NAMPT: variants seen among roughly 807,000 people sequenced by gnomAD.
The protein encoded by NAMPT is nicotinamide phosphoribosyltransferase.
A neutral mutation model predicts 58.7 loss-of-function variants in NAMPT; 7 were observed. That is an observed-to-expected ratio of 0.12 (90% CI 0.07 to 0.22). The LOEUF (loss-of-function observed/expected upper bound fraction) is 0.22. NAMPT is among the 10% of genes least tolerant of loss of function. The probability of loss-of-function intolerance (pLI) is 1.00; values close to 1 mark genes in which losing one functional copy is unlikely to be tolerated. For synonymous variants in NAMPT, 145 were observed against 198.1 expected, an observed-to-expected ratio of 0.73 and a Z score of 2.25; for missense variants, 271 against 567.9, an observed-to-expected ratio of 0.48 and a Z score of 5.31.
chr7:106,276,675 TTCACTAAAAACACAA>T (rs1451250040), intron 2 of NAMPT: 1 of 211,990 alleles, frequency 4.7e-6, no homozygotes, highest in Non-Finnish European at 9.7e-6. Flanking sequence ...AAAGCCCGTC[TTCACTAAAAACACAA>T]AATTAGTTGG....
intron 1 of NAMPT, among the ~76,000 whole-genome samples, chr7:106,281,603 A>C (rs1022551122): frequency 6.6e-6 from 1 of 152,232 alleles, no homozygotes; most frequent in Non-Finnish European, 1.5e-5. Flanking sequence ...CTTCAAAGCT[A>C]ATGTGCTAGA....
At chr7:106,253,822 G>A (rs1586010279) in intron 9 of NAMPT, among the ~76,000 whole-genome samples, 1 of 152,098 alleles carries the variant, frequency 6.6e-6, no homozygotes, top group East Asian at 1.9e-4. Flanking sequence ...CAACTCAGGT[G>A]TTCTTAATTC....
chr7:106,268,667 A>G (rs1792474059), intron 5 of NAMPT, 67 bp from the exon 6 acceptor site: 1 of 1,107,188 alleles, frequency 9.0e-7, no homozygotes, highest in Non-Finnish European at 1.4e-6. Context: ...ACCAGGATGC[A>G]GCCAACCACA....
chr7:106,277,339 T>C (rs1792666664), intron 1 of NAMPT, among the ~76,000 whole-genome samples, 160 bp from the exon 2 acceptor site: 1 of 152,254 alleles, frequency 6.6e-6, no homozygotes, highest in African/African-American at 2.4e-5. Context: ...AATAAGTATC[T>C]AAGATATTTT....
chr7:106,258,917 T>C (rs1406292793), intron 8 of NAMPT, among the ~76,000 whole-genome samples: 1 of 152,146 alleles, frequency 6.6e-6, no homozygotes, highest in African/African-American at 2.4e-5. Flanking sequence ...CAATTGACTC[T>C]ATCACGAAAG....
intron 8 of NAMPT, among the ~76,000 whole-genome samples, chr7:106,260,529 T>C (rs1792284693): frequency 1.3e-5 from 2 of 152,264 alleles, no homozygotes; most frequent in Admixed American, 1.3e-4. Context: ...TTCATATGCT[T>C]AGTGGAGTAG....
chr7:106,283,563 A>ATGGTT (rs1562820744), intron 1 of NAMPT, among the ~76,000 whole-genome samples: 4 of 152,198 alleles, frequency 2.6e-5, no homozygotes, highest in African/African-American at 4.8e-5. Context: ...AACCAAGAGA[A>ATGGTT]CACAAGAGGA....
intron 6 of NAMPT, 149 bp downstream of exon 6, chr7:106,268,315 T>C: frequency 1.4e-6 from 1 of 696,384 alleles, no homozygotes; most frequent in Non-Finnish European, 2.4e-6. Flanking sequence ...CTAATGTTTA[T>C]ACTTTTGTAT....
At position 106,269,202 on chromosome 7, in the gene NAMPT, C is replaced by T; in HGVS notation, c.558G>A (p.Leu186=). 4 of 1,613,314 alleles carry T rather than the reference C, an allele frequency of 2.5e-6. No homozygotes were observed. Among genetic ancestry groups the T allele is most frequent in the South Asian group, 2.2e-5 (2 of 90,922 alleles). Residue 186 remains leucine, a synonymous_variant, in exon 5 of 11, where the codon CTG becomes CTA. Transcript: ENST00000222553. ...LLETSGNLDG[L]EYKLHDFGYR... is the part of the protein sequence containing the mutation. ...AGCCAAAATCATGTAACTTGTATTC[C>T]AGACCATCTAAGTTACCAGAAGTTT... is the stretch of plus-strand genomic sequence containing the variant.
intron 4 of NAMPT, among the ~76,000 whole-genome samples, chr7:106,269,632 A>C (rs1322545014): frequency 6.6e-6 from 1 of 152,204 alleles, no homozygotes; most frequent in Admixed American, 6.5e-5. Context: ...ATTTTTAGAA[A>C]GTTTCATGAT....
intron 1 of NAMPT, 137 bp downstream of exon 1, chr7:106,284,691 C>T (rs1792833709): frequency 1.9e-6 from 2 of 1,045,366 alleles, no homozygotes; most frequent in South Asian, 4.6e-5. Flanking sequence ...GCCCGCGCCT[C>T]CCCCGGGCCT....
chr7:106,267,967 T>C (rs1269553322), intron 6 of NAMPT, among the ~76,000 whole-genome samples: 2 of 150,648 alleles, frequency 1.3e-5, no homozygotes, highest in East Asian at 3.9e-4. Context: ...TGGAGATAGT[T>C]TACTGAAAGC....
intron 1 of NAMPT, among the ~76,000 whole-genome samples, chr7:106,278,470 G>C (rs146396648): frequency 4.7e-4 from 71 of 152,228 alleles, no homozygotes; most frequent in Non-Finnish European, 6.8e-4. Context: ...AAAAGGTACA[G>C]GGAAGACTCA....
intron 4 of NAMPT, among the ~76,000 whole-genome samples, 171 bp from the exon 5 acceptor site, chr7:106,269,483 A>C (rs1449597571): frequency 6.6e-6 from 1 of 152,072 alleles, no homozygotes; most frequent in Non-Finnish European, 1.5e-5. Flanking sequence ...GATATAGTAC[A>C]TAGCTCAGCT....
At chr7:106,284,714 A>ACCCTAG (rs1792834231) in intron 1 of NAMPT, 114 bp downstream of exon 1, 1 of 828,368 alleles carries the variant, frequency 1.2e-6, no homozygotes, top group Admixed American at 5.2e-5. Flanking sequence ...CCGCGCCGCG[A>ACCCTAG]CCCTAGCCCC....
At chr7:106,256,275 AGC>A (rs1792197811) in intron 8 of NAMPT, among the ~76,000 whole-genome samples, 1 of 152,238 alleles carries the variant, frequency 6.6e-6, no homozygotes, top group Non-Finnish European at 1.5e-5. Context: ...TTCCTAAATA[AGC>A]AGTTTCATTT....
At chr7:106,259,559 G>A (rs1001024493) in intron 8 of NAMPT, among the ~76,000 whole-genome samples, 5 of 152,156 alleles carry the variant, frequency 3.3e-5, no homozygotes, top group African/African-American at 1.2e-4. Flanking sequence ...TGAGTAGCTG[G>A]GACTACAGGC....
chr7:106,268,773 T>C (rs1174102413), intron 5 of NAMPT, among the ~76,000 whole-genome samples, 173 bp from the exon 6 acceptor site: 2 of 152,190 alleles, frequency 1.3e-5, no homozygotes, highest in Non-Finnish European at 2.9e-5. Flanking sequence ...AAGATTCAGT[T>C]TTTCCTAAAT....
chr7:106,269,381 G>T, intron 4 of NAMPT, 69 bp from the exon 5 acceptor site: 1 of 1,310,078 alleles, frequency 7.6e-7, no homozygotes, highest in Non-Finnish European at 1.0e-6. Context: ...GAAAATCCTA[G>T]CTTTTTTTTT....
Sources: gnomAD v4.1 joint callset for allele counts (sites outside exome capture counted in the v4.1 genomes callset) on GRCh38, gnomAD v4.1.1 for gene constraint, MANE v1.5 for transcripts, NCBI Gene and HGNC (gene_info 2026-07-23, HGNC 2026-07-21) for gene names.